The following RXFP1 variants were observed in gnomAD, a reference collection of about 807,000 sequenced individuals.
RXFP1 encodes the protein relaxin receptor 1.
A neutral mutation model predicts 89.8 loss-of-function variants in RXFP1; 73 were observed. The ratio of observed to expected loss-of-function variants is 0.81; its 90% CI spans 0.67 to 0.99. The LOEUF (loss-of-function observed/expected upper bound fraction) is 0.99. Among genes scored for constraint, RXFP1 ranks in the 50% least tolerant of loss-of-function variants. The probability of loss-of-function intolerance (pLI) is 0.00; values close to 1 mark genes in which losing one functional copy is unlikely to be tolerated. For missense variants in RXFP1, 793 were observed against 895.5 expected (o/e 0.89, Z 1.46); for synonymous variants, 277 against 305.5 (o/e 0.91, Z 0.97).
chr4:158,559,650 C>CA (rs776058273), intron 1 of RXFP1, among the ~76,000 whole-genome samples: 113 of 152,230 alleles, frequency 7.4e-4, no homozygotes, highest in Non-Finnish European at 1.3e-3. Context: ...GTATTTACGA[C>CA]AAAAAAGCCA....
At chr4:158,651,110 T>C (rs891832478) in intron 17 of RXFP1, among the ~76,000 whole-genome samples, 7 of 152,108 alleles carry the variant, frequency 4.6e-5, no homozygotes, top group African/African-American at 1.7e-4. Context: ...AGCGACAGCA[T>C]GAGACCCTGT....
chr4:158,550,877 T>G (rs1013286782), intron 1 of RXFP1, among the ~76,000 whole-genome samples: 7 of 152,128 alleles, frequency 4.6e-5, no homozygotes, highest in African/African-American at 1.7e-4. Flanking sequence ...AAAATCATGA[T>G]AATATTAGAA....
At chr4:158,567,293 G>A (rs962748379) in intron 1 of RXFP1, among the ~76,000 whole-genome samples, 4 of 152,336 alleles carry the variant, frequency 2.6e-5, no homozygotes, top group African/African-American at 4.8e-5. Context: ...GTGGGCGCAC[G>A]GCCGGGACTG....
At chr4:158,569,370 T>G (rs1304879304) in intron 1 of RXFP1, among the ~76,000 whole-genome samples, 2 of 152,302 alleles carry the variant, frequency 1.3e-5, no homozygotes, top group African/African-American at 4.8e-5. Flanking sequence ...TATACATTTG[T>G]CCAAACCCAT....
At chr4:158,611,510 T>C (rs753892108) in intron 6 of RXFP1, among the ~76,000 whole-genome samples, 22 of 152,172 alleles carry the variant, frequency 1.4e-4, no homozygotes, top group Non-Finnish European at 2.5e-4. Flanking sequence ...TGAGGCCCCA[T>C]TGAATTACCT....
chr4:158,644,521 CT>C (rs1168641382), intron 14 of RXFP1, among the ~76,000 whole-genome samples: 1 of 152,114 alleles, frequency 6.6e-6, no homozygotes, highest in Non-Finnish European at 1.5e-5. Context: ...AACTCTTCCC[CT>C]GAGGGATAGA....
At chr4:158,557,174 A>G (rs1751495548) in intron 1 of RXFP1, among the ~76,000 whole-genome samples, 2 of 152,196 alleles carry the variant, frequency 1.3e-5, no homozygotes. Context: ...TATATGGAAA[A>G]ATCAAATTGT....
intron 14 of RXFP1, 85 bp from the exon 15 acceptor site, chr4:158,644,824 C>G: frequency 1.1e-6 from 1 of 903,988 alleles, no homozygotes; most frequent in Non-Finnish European, 1.7e-6. Flanking sequence ...TTCTTTCTAC[C>G]GATAAAATGT....
At chr4:158,581,829 C>T (rs1757418048) in intron 2 of RXFP1, among the ~76,000 whole-genome samples, 1 of 152,146 alleles carries the variant, frequency 6.6e-6, no homozygotes, top group Non-Finnish European at 1.5e-5. Flanking sequence ...TTATTTGGCT[C>T]ATGGTTCTGC....
chr4:158,592,480 A>G (rs1401066771), intron 2 of RXFP1, among the ~76,000 whole-genome samples: 4 of 152,200 alleles, frequency 2.6e-5, no homozygotes, highest in African/African-American at 7.2e-5. Context: ...AGGCTGAGGC[A>G]GGAGAATCAC....
intron 15 of RXFP1, chr4:158,646,536 G>C (rs1771583014): frequency 1.5e-6 from 2 of 1,300,560 alleles, no homozygotes; most frequent in Non-Finnish European, 2.0e-6. Context: ...TGTGCTGTTA[G>C]AGACTTGCAC....
At chr4:158,639,553 A>G (rs1255708486) in intron 14 of RXFP1, among the ~76,000 whole-genome samples, 1 of 152,180 alleles carries the variant, frequency 6.6e-6, no homozygotes, top group Admixed American at 6.5e-5. Context: ...CAGAGCCCTC[A>G]TGAGTGGGAT....
intron 14 of RXFP1, 140 bp from the exon 15 acceptor site, chr4:158,644,769 A>G: frequency 1.6e-6 from 1 of 634,834 alleles, no homozygotes; most frequent in Admixed American, 2.9e-5. Flanking sequence ...TTAAAGTTTC[A>G]GAATCCCTAA....
intron 3 of RXFP1, 137 bp from the exon 4 acceptor site, chr4:158,599,189 C>CT: frequency 7.3e-7 from 1 of 1,371,012 alleles, no homozygotes; most frequent in Middle Eastern, 1.8e-4. Flanking sequence ...TAAAGCATTG[C>CT]CTAAATTGCC....
At chr4:158,593,010 C>A (rs1759810789) in intron 2 of RXFP1, among the ~76,000 whole-genome samples, 1 of 149,990 alleles carries the variant, frequency 6.7e-6, no homozygotes, top group Admixed American at 6.7e-5. Context: ...ATCACTTGAA[C>A]AAGGGAGGTG....
rs1437784027 is a variant in RXFP1, at chr4:158,590,797, A to G, written c.188-2604A>G. ...CCCCTTCTGGAAGGAGGAAACAGAA[A>G]CCACTCTAGATATTTTTGGGAAAGA... On this transcript the variant is annotated intron_variant, in intron 2 of 17. Coordinates refer to ENST00000307765, the MANE Select transcript of RXFP1 (RefSeq NM_021634.4). Among the ~76,000 whole-genome samples, 4 of 152,328 alleles carry G rather than the reference A, an allele frequency of 2.6e-5. No individual in the cohort carries two copies. The East Asian group carries it at 5.8e-4, about 22-fold the overall frequency.
At chr4:158,593,032 G>C (rs1227868233) in intron 2 of RXFP1, among the ~76,000 whole-genome samples, 1 of 150,902 alleles carries the variant, frequency 6.6e-6, no homozygotes, top group Non-Finnish European at 1.5e-5. Context: ...AGGTTGCAGT[G>C]AGCTGAGATC....
chr4:158,649,140 G>A (rs1772136494), intron 17 of RXFP1, among the ~76,000 whole-genome samples: 1 of 152,006 alleles, frequency 6.6e-6, no homozygotes, highest in Non-Finnish European at 1.5e-5. Context: ...CAGAGTTGTA[G>A]GTACTTTTGG....
rs556385277 is a variant in RXFP1 at position 158,590,276 on chromosome 4, C to T, written c.188-3125C>T. ...GCCCCACAAGTTCAAGCGATTCTCA[C>T]GCCTCAGCCTCCCGAGTAGCTGGGA... is the stretch of plus-strand genomic sequence containing the variant. On this transcript the variant is annotated intron_variant, in intron 2 of 17. Coordinates refer to ENST00000307765, the MANE Select transcript of RXFP1 (RefSeq NM_021634.4). Among the ~76,000 whole-genome samples, 10 of 152,128 alleles carry T rather than the reference C, an allele frequency of 6.6e-5. 1 individual carries two copies. Among genetic ancestry groups the T allele is most frequent in the South Asian group, 4.1e-4 (2 of 4,822 alleles).
Sources: allele counts gnomAD v4.1 joint callset (sites outside exome capture counted in the v4.1 genomes callset), GRCh38; gene constraint gnomAD v4.1.1; transcripts MANE v1.5; gene names NCBI Gene and HGNC (gene_info 2026-07-23, HGNC 2026-07-21).